Variants in PIGQ observed in about 807,000 individuals in gnomAD.
PIGQ encodes the protein phosphatidylinositol glycan anchor biosynthesis class Q.
Under a neutral mutation model 60.3 loss-of-function variants are expected in PIGQ, and 54 were observed. That is an observed-to-expected ratio of 0.90 (90% CI 0.72 to 1.12). The LOEUF is 1.12. Among genes scored for constraint, PIGQ ranks in the 50% most tolerant of loss-of-function variants. PIGQ has a pLI of 0.00. For synonymous variants in PIGQ, 416 were observed against 363.7 expected (o/e 1.14, Z -1.64); for missense variants, 799 against 793.5 (o/e 1.01, Z -0.08).
chr16:573,988 C>T, intron 1 of PIGQ, 78 bp from the exon 2 acceptor site: 1 of 1,009,462 alleles, frequency 9.9e-7, no homozygotes, highest in Admixed American at 2.7e-5. Flanking sequence ...ACCTGTCAGG[C>T]CGTCTGTGCA....
Position 581,195 on chromosome 16 carries a change from G to A in PIGQ, c.1531+223G>A, listed in dbSNP as rs545097004. 3.8e-5 allele frequency: 54 copies of A among 1,430,508 alleles called. No individual in the cohort carries two copies. In the African/African-American group the frequency reaches 7.1e-4, roughly 19 times the overall value. 88.6% of individuals were successfully genotyped at this position (1,430,508 alleles called of 1,614,324 possible). A position where few individuals can be genotyped will look rare whatever the true frequency, so the allele number is the denominator to read the frequency against. ...AGAGACTCAGAGACTCACCTGCCGC[G>A]CAGGTTCAGAACCCTGGAGACCTGA... On this transcript the variant is annotated intron_variant, in intron 9 of 10. Coordinates refer to ENST00000321878, the MANE Select transcript of PIGQ (RefSeq NM_004204.5).
intron 9 of PIGQ, 32 bp downstream of exon 9, chr16:581,004 G>C (rs376684066): frequency 6.3e-6 from 9 of 1,438,762 alleles, no homozygotes; most frequent in African/African-American, 1.4e-5. Flanking sequence ...GCTGGCCCTG[G>C]GTAGGTGGAG....
chr16:581,293 G>T, intron 9 of PIGQ: 8 of 1,317,168 alleles, frequency 6.1e-6, no homozygotes, highest in Non-Finnish European at 8.0e-6. Flanking sequence ...CAGGGGCCAA[G>T]CGCGGCAAAG....
Position 577,532 on chromosome 16 carries a change from T to G in PIGQ, c.943-847T>G, listed in dbSNP as rs545689883. Among the ~76,000 whole-genome samples the G allele has an allele frequency of 1.8e-3, 248 of 139,212 alleles. 5 individuals carry two copies. In the Middle Eastern group the frequency reaches 0.027, roughly 15 times the overall value. 91.3% of individuals were successfully genotyped at this position (139,212 alleles called of 152,430 possible). ...GCAGAGCTTGCAGTGAGCCGAGATC[T>G]CACCACTGCACTCCAGCCTGGGCGA... On this transcript the variant is annotated intron_variant, in intron 4 of 10. Transcript: ENST00000321878.
rs757022779 is a variant in PIGQ at position 574,737 on chromosome 16, G to A, written c.663G>A (p.Ser221=). The change falls in exon 2 of 11, where the codon TCG becomes TCA. Residue 221 remains serine (S), a synonymous_variant. Coordinates refer to ENST00000321878, the MANE Select transcript of PIGQ (RefSeq NM_004204.5). Reference sequence around the variant, plus strand: ...GCCTGCTGTTGGCCAGCCTGCTGTCGCTGGTCTCAGCTGTCAGTGCCTGCC... The same window carrying A: ...GCCTGCTGTTGGCCAGCCTGCTGTCACTGGTCTCAGCTGTCAGTGCCTGCC... ...PICLLLASLL[S]LVSAVSACRV... is the part of the protein sequence containing the mutation. The A allele has an allele frequency of 7.6e-6, 12 of 1,578,486 alleles. No individual in the cohort carries two copies. The highest frequency in any genetic ancestry group is 3.4e-5 in the Admixed American group (2 of 58,390).
Position 574,152 on chromosome 16 carries a change from G to A in PIGQ, c.78G>A (p.Glu26=). 8.7e-6 allele frequency: 14 copies of A among 1,612,456 alleles called. No homozygotes were observed. Among genetic ancestry groups the A allele is most frequent in the Non-Finnish European group, 1.2e-5 (14 of 1,179,770 alleles). ...TGCTGGTGGGACGGTGGGTGCCGGA[G>A]CAGAGCAGCGCCGTGGTCCTGGCGG... ...SGLLVGRWVP[E]QSSAVVLAVL... The change falls in exon 2 of 11, where the codon GAG becomes GAA. Residue 26 remains glutamate, a synonymous_variant. Coordinates refer to ENST00000321878, the MANE Select transcript of PIGQ (RefSeq NM_004204.5).
intron 4 of PIGQ, 34 bp from the exon 5 acceptor site, chr16:578,345 C>T (rs1411903404): frequency 2.5e-6 from 4 of 1,589,386 alleles, no homozygotes; most frequent in Non-Finnish European, 3.4e-6. Context: ...AGCCTGGCTG[C>T]CCCCGCCCCA....
At chr16:581,093 A>T in intron 9 of PIGQ, 121 bp downstream of exon 9, 1 of 1,369,944 alleles carries the variant, frequency 7.3e-7, no homozygotes, top group Non-Finnish European at 1.0e-6. Context: ...CGTGGTATGC[A>T]TGCGCAAGCG....
At chr16:576,457 C>G (rs1056044307) in intron 4 of PIGQ, 10 of 640,250 alleles carry the variant, frequency 1.6e-5, no homozygotes, top group Middle Eastern at 4.3e-4. Flanking sequence ...GCAGGTACAC[C>G]CCCCTTTCCT....
In PIGQ at chr16:576,129, T is replaced by A. The variant is rs1213032956; in HGVS notation, c.822-5T>A. On this transcript the variant is annotated splice_region_variant and splice_polypyrimidine_tract_variant and intron_variant, in intron 3 of 10. Transcript: ENST00000321878. ...CATGCCGGCCGGGCCGGACCTCCCT[T>A]CCAGGAAGGCCAACACGGTGGCCTC... 2 of 1,547,610 alleles carry A rather than the reference T, an allele frequency of 1.3e-6. No individual in the cohort carries two copies. The highest frequency in any genetic ancestry group is 1.7e-4 in the Middle Eastern group (1 of 5,988).
chr16:573,943 A>G (rs1391930702), intron 1 of PIGQ, 123 bp from the exon 2 acceptor site: 4 of 661,538 alleles, frequency 6.0e-6, no homozygotes, highest in African/African-American at 5.5e-5. Flanking sequence ...CCGAACTTGA[A>G]GCTGAGGTGC....
intron 8 of PIGQ, 118 bp from the exon 9 acceptor site, chr16:580,740 G>A (rs2035796504): frequency 2.8e-6 from 2 of 702,740 alleles, no homozygotes; most frequent in South Asian, 1.5e-5. Flanking sequence ...TGGGGTCCCT[G>A]CTCTCCCCAG....
intron 4 of PIGQ, among the ~76,000 whole-genome samples, chr16:577,517 C>G (rs1233021874): frequency 6.7e-6 from 1 of 149,600 alleles, no homozygotes; most frequent in Non-Finnish European, 1.5e-5. Flanking sequence ...GCAGAGCTTG[C>G]AGTGAGCCGA....
In PIGQ at chr16:580,855, C is replaced by G; in HGVS notation, c.1417-3C>G. On this transcript the variant is annotated splice_region_variant and splice_polypyrimidine_tract_variant and intron_variant, in intron 8 of 10. Coordinates refer to ENST00000321878, the MANE Select transcript of PIGQ (RefSeq NM_004204.5). ...GCCGGTCCTAAATGCTCCTCTGCCA[C>G]AGCTCCGGCTCCTGGTGGTCGCCGT... The G allele has an allele frequency of 7.2e-7, 1 of 1,379,902 alleles. No individual in the cohort carries two copies. The highest frequency in any genetic ancestry group is 1.0e-6 in the Non-Finnish European group (1 of 974,760). The allele number at this position is 1,379,902 out of a possible 1,614,324, so 85.5% of individuals were successfully genotyped here. A position where few individuals can be genotyped will look rare whatever the true frequency, so the allele number is the denominator to read the frequency against.
At chr16:579,429 T>C (rs2035777042) in intron 7 of PIGQ, 1 of 402,138 alleles carries the variant, frequency 2.5e-6, no homozygotes, top group African/African-American at 2.1e-5. Flanking sequence ...GCACAGGCCC[T>C]AGAGGTGCCC....
chr16:583,331 G>A lies in PIGQ; in HGVS notation c.*296G>A, dbSNP rs1426737514. 3 of 1,612,570 alleles carry A rather than the reference G, an allele frequency of 1.9e-6. No individual in the cohort carries two copies. The highest frequency in any genetic ancestry group is 2.5e-6 in the Non-Finnish European group (3 of 1,179,776). On this transcript the variant is annotated 3_prime_UTR_variant, in exon 11 of 11. Transcript: ENST00000321878. ...AGCACAGCAACCCCAGGTGTCCAGA[G>A]CACTGCCCCATGCCCACCCTGTGTA...
rs1385156328 is a variant in PIGQ, at chr16:583,451, G to A, written c.*416G>A. Reference sequence around the variant, plus strand: ...GTGGCTCTGCCCTGGCTGTGGGGGTGGAGGGACCTTGCCAGGATGAACCCC... The same window carrying A: ...GTGGCTCTGCCCTGGCTGTGGGGGTAGAGGGACCTTGCCAGGATGAACCCC... On this transcript the variant is annotated 3_prime_UTR_variant, in exon 11 of 11. Transcript: ENST00000321878. The A allele has an allele frequency of 6.2e-7, 1 of 1,612,706 alleles. No individual in the cohort carries two copies. The highest frequency in any genetic ancestry group is 1.7e-5 in the Admixed American group (1 of 60,004).
At chr16:571,082 T>G (rs1567173381) in intron 1 of PIGQ, among the ~76,000 whole-genome samples, 7 of 11,536 alleles carry the variant, frequency 6.1e-4, no homozygotes, top group Admixed American at 1.3e-3. Flanking sequence ...TGTGTGTGTG[T>G]GTGTGTGTGT....
In PIGQ at chr16:574,349, C is replaced by G. The variant is rs749850210; in HGVS notation, c.275C>G (p.Pro92Arg). 1 of 1,609,624 alleles carries G rather than the reference C, an allele frequency of 6.2e-7. No individual in the cohort carries two copies. Among genetic ancestry groups the G allele is most frequent in the Admixed American group, 1.7e-5 (1 of 59,804 alleles). The change falls in exon 2 of 11, where the codon CCC becomes CGC. Residue 92 changes from proline to arginine, a missense_variant. By Grantham distance (103) the Pro-to-Arg change is moderately radical. Transcript: ENST00000321878. ...CTGGGTGCTGTCTTCCCCCATGAGC[C>G]CTGGCTGCGGCTGTGCCGGGAGAGA... is the stretch of plus-strand genomic sequence containing the variant. ...ESLGAVFPHE[P>R]WLRLCRERGG...
Sources: allele counts gnomAD v4.1 joint callset (sites outside exome capture counted in the v4.1 genomes callset), GRCh38; gene constraint gnomAD v4.1.1; transcripts MANE v1.5; gene names NCBI Gene and HGNC (gene_info 2026-07-23, HGNC 2026-07-21).